LRFN2: variants seen among roughly 807,000 people sequenced by gnomAD.
LRFN2 encodes leucine-rich repeat and fibronectin type-III domain-containing protein 2.
In LRFN2, 18 loss-of-function variants were observed where a neutral mutation model predicts 37.3. The ratio of observed to expected loss-of-function variants is 0.48; its 90% CI spans 0.33 to 0.72. LRFN2 has a LOEUF of 0.72. LRFN2 is among the 30% of genes least tolerant of loss of function. LRFN2 has a pLI of 0.02. For synonymous variants in LRFN2, 556 were observed against 466.6 expected, an observed-to-expected ratio of 1.19 and a Z score of -2.47; for missense variants, 1,006 against 1,060.7, an observed-to-expected ratio of 0.95 and a Z score of 0.72.
chr6:40,409,458 T>C (rs896633471), intron 2 of LRFN2, among the ~76,000 whole-genome samples: 3 of 152,176 alleles, frequency 2.0e-5, no homozygotes, highest in African/African-American at 7.2e-5. Flanking sequence ...CAGTACAGAG[T>C]ATGCTGCTGA....
chr6:40,510,987 A>C (rs974824809), intron 1 of LRFN2, among the ~76,000 whole-genome samples: 1 of 152,200 alleles, frequency 6.6e-6, no homozygotes, highest in African/African-American at 2.4e-5. Flanking sequence ...AGAAGAAAGG[A>C]TAGAGCCAGG....
intron 1 of LRFN2, among the ~76,000 whole-genome samples, chr6:40,537,437 C>G (rs1012245567): frequency 5.3e-5 from 8 of 152,178 alleles, no homozygotes; most frequent in Non-Finnish European, 8.8e-5. Flanking sequence ...CCAGCACCAG[C>G]CCCAACTATG....
At chr6:40,540,212 C>T (rs1211592992) in intron 1 of LRFN2, among the ~76,000 whole-genome samples, 2 of 152,210 alleles carry the variant, frequency 1.3e-5, no homozygotes, top group Non-Finnish European at 2.9e-5. Context: ...GGAAATACTA[C>T]TCAAAGTGTC....
chr6:40,434,824 G>A (rs187518322), intron 1 of LRFN2, among the ~76,000 whole-genome samples: 2 of 150,978 alleles, frequency 1.3e-5, no homozygotes, highest in African/African-American at 4.8e-5. Flanking sequence ...TGCAAAAATG[G>A]CTTCTAAGGC....
At chr6:40,417,791 G>A (rs1056195219) in intron 2 of LRFN2, among the ~76,000 whole-genome samples, 2 of 152,092 alleles carry the variant, frequency 1.3e-5, no homozygotes, top group African/African-American at 2.4e-5. Context: ...ACTCACAGGC[G>A]CACACCCTAA....
At chr6:40,530,514 G>A (rs1766324421) in intron 1 of LRFN2, among the ~76,000 whole-genome samples, 2 of 152,154 alleles carry the variant, frequency 1.3e-5, no homozygotes, top group African/African-American at 2.4e-5. Context: ...ATATGGCCCT[G>A]TTGGCCATGA....
At chr6:40,464,648 C>T (rs1249984183) in intron 1 of LRFN2, among the ~76,000 whole-genome samples, 2 of 152,188 alleles carry the variant, frequency 1.3e-5, no homozygotes, top group Non-Finnish European at 2.9e-5. Flanking sequence ...TCACTCACAC[C>T]CCTCAATGTC....
chr6:40,531,935 C>T (rs772490394), intron 1 of LRFN2, among the ~76,000 whole-genome samples: 3 of 152,228 alleles, frequency 2.0e-5, no homozygotes, highest in African/African-American at 7.2e-5. Flanking sequence ...AGTCTCCGTG[C>T]TGGGATCTGT....
intron 1 of LRFN2, among the ~76,000 whole-genome samples, chr6:40,473,840 A>G (rs778461151): frequency 6.6e-6 from 1 of 152,076 alleles, no homozygotes; most frequent in Non-Finnish European, 1.5e-5. Context: ...TCATCCCTAT[A>G]TTACCAGTGA....
At chr6:40,490,480 C>G (rs1698356095) in intron 1 of LRFN2, among the ~76,000 whole-genome samples, 1 of 152,168 alleles carries the variant, frequency 6.6e-6, no homozygotes, top group Non-Finnish European at 1.5e-5. Context: ...TCACCTGTGG[C>G]TATCCTGCAG....
intron 1 of LRFN2, among the ~76,000 whole-genome samples, chr6:40,468,458 G>A (rs1001071971): frequency 1.3e-5 from 2 of 152,164 alleles, no homozygotes; most frequent in African/African-American, 4.8e-5. Context: ...GGAAGAAGGG[G>A]TGTTTGAATG....
chr6:40,521,352 C>G (rs1057379784), intron 1 of LRFN2, among the ~76,000 whole-genome samples: 3 of 152,168 alleles, frequency 2.0e-5, no homozygotes, highest in Non-Finnish European at 2.9e-5. Context: ...TCCCAGGCAC[C>G]TGTAAGCTGA....
chr6:40,505,081 C>T (rs1426289090), intron 1 of LRFN2, among the ~76,000 whole-genome samples: 1 of 152,198 alleles, frequency 6.6e-6, no homozygotes, highest in African/African-American at 2.4e-5. Flanking sequence ...CCCGTGGCCT[C>T]GGCAAAGCAG....
chr6:40,563,061 A>C (rs10947897), intron 1 of LRFN2, among the ~76,000 whole-genome samples: 76,552 of 151,890 alleles, frequency 0.5, 19,620 homozygotes, highest in Middle Eastern at 0.61. Flanking sequence ...CTGACTGCCC[A>C]TTAGCTGGTT....
chr6:40,479,151 G>T (rs1011578276), intron 1 of LRFN2, among the ~76,000 whole-genome samples: 3 of 152,222 alleles, frequency 2.0e-5, no homozygotes, highest in Non-Finnish European at 4.4e-5. Flanking sequence ...TACCGCAGGA[G>T]GTTAAGTGAA....
At chr6:40,464,823 C>G (rs778171112) in intron 1 of LRFN2, among the ~76,000 whole-genome samples, 1 of 152,112 alleles carries the variant, frequency 6.6e-6, no homozygotes, top group Non-Finnish European at 1.5e-5. Context: ...AATAAGTACC[C>G]CAGCCTTCTC....
intron 1 of LRFN2, among the ~76,000 whole-genome samples, chr6:40,461,675 C>T (rs1408895159): frequency 1.4e-5 from 2 of 146,848 alleles, no homozygotes; most frequent in Non-Finnish European, 3.0e-5. Context: ...AACATGATAT[C>T]AGAAGGTGGT....
chr6:40,435,510 T>A (rs1323004881), intron 1 of LRFN2, among the ~76,000 whole-genome samples: 3 of 151,062 alleles, frequency 2.0e-5, no homozygotes, highest in African/African-American at 7.3e-5. Flanking sequence ...GGAGCACAGA[T>A]GCAGAAAAAA....
chr6:40,565,276 G>A (rs1489590628), intron 1 of LRFN2, among the ~76,000 whole-genome samples: 1 of 152,100 alleles, frequency 6.6e-6, no homozygotes, highest in African/African-American at 2.4e-5. Context: ...TCATGGGTAG[G>A]AAGAATCAAT....
Sources: allele counts gnomAD v4.1 joint callset (sites outside exome capture counted in the v4.1 genomes callset), GRCh38; gene constraint gnomAD v4.1.1; transcripts MANE v1.5; gene names NCBI Gene and HGNC (gene_info 2026-07-23, HGNC 2026-07-21).